VWA7: variants seen among roughly 807,000 people sequenced by gnomAD.
The protein encoded by VWA7 is von Willebrand factor A domain containing 7.
In VWA7, 66 loss-of-function variants were observed where a neutral mutation model predicts 83.1. The observed-to-expected ratio is 0.79, with a 90% CI of 0.65 to 0.98. The LOEUF is 0.98. VWA7 is among the 50% of genes least tolerant of loss of function. The probability of loss-of-function intolerance (pLI) is 0.00; values close to 1 mark genes in which losing one functional copy is unlikely to be tolerated. For synonymous variants in VWA7, 424 were observed against 488.5 expected, an observed-to-expected ratio of 0.87 and a Z score of 1.74; for missense variants, 1,080 against 1,160.2, an observed-to-expected ratio of 0.93 and a Z score of 1.00.
rs765771070 is a variant in VWA7, at chr6:31,766,391, A to G, written c.2185-7T>C. On this transcript the variant is annotated splice_region_variant and splice_polypyrimidine_tract_variant and intron_variant, in intron 14 of 16. Transcript: ENST00000375688. The surrounding 1 kb of genome is among the most constrained non-coding windows in gnomAD (Gnocchi z 4.9). ...AACCCGAGGGGCCACTAAGCTGCAG[A>G]GAAGGGTTCTTCAGGGAAGGGGCCG... 2 of 1,593,134 alleles carry G rather than the reference A, an allele frequency of 1.3e-6. No homozygotes were observed. The highest frequency in any genetic ancestry group is 1.8e-5 in the Admixed American group (1 of 55,286).
Position 31,767,604 on chromosome 6 carries a change from C to T in VWA7, c.1636+18G>A. The T allele has an allele frequency of 6.2e-7, 1 of 1,606,020 alleles. No homozygotes were observed. The highest frequency in any genetic ancestry group is 1.1e-5 in the South Asian group (1 of 90,954). On this transcript the variant is annotated intron_variant, in intron 11 of 16. Coordinates refer to ENST00000375688, the MANE Select transcript of VWA7 (RefSeq NM_025258.3). ...TCTATTCCCCGGTCCCCTCTCTTCC[C>T]TCTACCTTCAGAGGTACCTGCAGGG...
rs1422068860 is a variant in VWA7 at position 31,773,985 on chromosome 6, T to C, written c.721+531A>G. ...GCCTGGCCAACATGATGAAACCCTG[T>C]CTCTACTAAAAGTACAAAATTAGCC... On this transcript the variant is annotated intron_variant, in intron 5 of 16. Transcript: ENST00000375688. This position sits in a 1 kb window ranked among gnomAD's most constrained non-coding sequence, Gnocchi z 5.3. 6.6e-6 allele frequency among the ~76,000 whole-genome samples: 1 copy of C among 151,640 alleles called. No individual in the cohort carries two copies. The highest frequency in any genetic ancestry group is 2.4e-5 in the African/African-American group (1 of 41,230).
rs753382366 is a variant in VWA7 at position 31,770,083 on chromosome 6, G to A, written c.1118C>T (p.Pro373Leu). 7 of 1,612,958 alleles carry A rather than the reference G, an allele frequency of 4.3e-6. No individual in the cohort carries two copies. Among genetic ancestry groups the A allele is most frequent in the Middle Eastern group, 3.3e-4 (2 of 6,062 alleles). ...ATTAAGCTGTTGCCAGAAGCTGTCA[G>A]GGTCACTGGTTGTAAAGACAGGGCC... ...GFGPVFTTSD[P>L]DSFWQQLNEI... The change falls in exon 8 of 17, where the codon CCT becomes CTT. Residue 373 changes from proline to leucine, a missense_variant. By Grantham distance (98) the Pro-to-Leu change is moderately conservative. Transcript: ENST00000375688.
chr6:31,769,044 T>C lies in VWA7; in HGVS notation c.1477A>G (p.Ile493Val). 6.2e-7 allele frequency: 1 copy of C among 1,612,282 alleles called. No homozygotes were observed. The highest frequency in any genetic ancestry group is 8.5e-7 in the Non-Finnish European group (1 of 1,179,712). The change falls in exon 10 of 17, where the codon ATT (isoleucine) becomes GTT (valine). Residue 493 changes from isoleucine to valine, a missense_variant. Ile to Val is a conservative substitution (Grantham distance 29, BLOSUM62 3). Coordinates refer to ENST00000375688, the MANE Select transcript of VWA7 (RefSeq NM_025258.3). This position sits in a 1 kb window ranked among gnomAD's most constrained non-coding sequence, Gnocchi z 4.5. ...KDQHIRDVAA[I>V]VGESMAALVT... ...AGGGCAGCCATGCTCTCCCCAACAA[T>C]GGCTGCCACGTCTCGAATGTGCTGG...
chr6:31,767,848 T>C (rs1310662916), intron 10 of VWA7, 94 bp from the exon 11 acceptor site: 5 of 1,451,642 alleles, frequency 3.4e-6, no homozygotes, highest in African/African-American at 1.4e-5. Flanking sequence ...AACCACGTCA[T>C]TGGGCCGGGC....
In VWA7 at chr6:31,766,615, G is replaced by A. The variant is rs757089769; in HGVS notation, c.2032C>T (p.Pro678Ser). Residue 678 changes from proline to serine, a missense_variant, in exon 14 of 17, where the codon CCG becomes TCG. Coordinates refer to ENST00000375688, the MANE Select transcript of VWA7 (RefSeq NM_025258.3). The surrounding 1 kb of genome is among the most constrained non-coding windows in gnomAD (Gnocchi z 4.9). ...GAGGCTGCGAGGAGACCTCGCTCCG[G>A]AGGTCCCACGGGCTCCAAGGGCACC... Reference protein sequence around the residue: ...GQVPLEPVGPPERGLLAASLS... With the variant: ...GQVPLEPVGPSERGLLAASLS... 6.2e-7 allele frequency: 1 copy of A among 1,613,046 alleles called. No individual in the cohort carries two copies. Among genetic ancestry groups the A allele is most frequent in the East Asian group, 2.2e-5 (1 of 44,888 alleles).
In VWA7 at chr6:31,768,852, AAAG is replaced by A. The variant is rs368059185; in HGVS notation, c.1503+163_1503+165del. On this transcript the variant is annotated intron_variant, in intron 10 of 16. Transcript: ENST00000375688. ...ATAAGACTCCATCTCAAAAAAAAAAAAAGAAGTGGCTAGTCATGGATCTAAGAG... is the reference window on the plus strand; with the variant it reads ...ATAAGACTCCATCTCAAAAAAAAAAAAAGTGGCTAGTCATGGATCTAAGAG... 1.5e-3 allele frequency among the ~76,000 whole-genome samples: 227 copies of A among 152,270 alleles called. 3 individuals carry two copies. The Middle Eastern group carries it at 0.017, about 11-fold the overall frequency.
At position 31,766,126 on chromosome 6, in the gene VWA7, G is replaced by A; in HGVS notation, c.2325-69C>T. 6.3e-7 allele frequency: 1 copy of A among 1,597,878 alleles called. No homozygotes were observed. Among genetic ancestry groups the A allele is most frequent in the Non-Finnish European group, 8.5e-7 (1 of 1,170,806 alleles). The stretch of plus-strand genomic sequence containing the variant: ...GAGCCTAGAGTCGGGACGCCTGCAG[G>A]GGCACGGGAGCGGAGAGGAGGATTC... On this transcript the variant is annotated intron_variant, in intron 15 of 16. Coordinates refer to ENST00000375688, the MANE Select transcript of VWA7 (RefSeq NM_025258.3). This position sits in a 1 kb window ranked among gnomAD's most constrained non-coding sequence, Gnocchi z 4.9.
At chr6:31,768,158 A>G (rs1307493331) in intron 10 of VWA7, among the ~76,000 whole-genome samples, 1 of 148,288 alleles carries the variant, frequency 6.7e-6, no homozygotes, top group Admixed American at 6.7e-5. Context: ...AAAAAAAAAA[A>G]AAAAGAAAGA....
Position 31,773,165 on chromosome 6 carries a change from T to A in VWA7, c.918-42A>T, listed in dbSNP as rs1341804402. The A allele has an allele frequency of 5.0e-6, 8 of 1,598,062 alleles. No homozygotes were observed. Among genetic ancestry groups the A allele is most frequent in the Non-Finnish European group, 6.8e-6 (8 of 1,172,972 alleles). On this transcript the variant is annotated intron_variant, in intron 6 of 16. Transcript: ENST00000375688. This position sits in a 1 kb window ranked among gnomAD's most constrained non-coding sequence, Gnocchi z 5.3. Reference sequence around the variant, plus strand: ...AGACACAGTGAAGGGCCTGCACGTTTGTCCCCAGCGCCTGGTTTCTCCCTT... The same window carrying A: ...AGACACAGTGAAGGGCCTGCACGTTAGTCCCCAGCGCCTGGTTTCTCCCTT...
In VWA7 at chr6:31,775,313, CA is replaced by C; in HGVS notation, c.610+19del. 1 of 1,602,534 alleles carries C rather than the reference CA, an allele frequency of 6.2e-7. No homozygotes were observed. Among genetic ancestry groups the C allele is most frequent in the Non-Finnish European group, 8.5e-7 (1 of 1,174,024 alleles). On this transcript the variant is annotated intron_variant, in intron 4 of 16. Transcript: ENST00000375688. This position sits in a 1 kb window ranked among gnomAD's most constrained non-coding sequence, Gnocchi z 5.9. ...GTGGCCCTGTGGACTCCTGCCTCAC[CA>C]CCAGGGTCACAGCCATACCTTGTGC...
chr6:31,766,514 G>C lies in VWA7; in HGVS notation c.2133C>G (p.Arg711=). The change falls in exon 14 of 17, where the codon CGC becomes CGG. Residue 711 remains arginine (R), a synonymous_variant. Coordinates refer to ENST00000375688, the MANE Select transcript of VWA7 (RefSeq NM_025258.3). This position sits in a 1 kb window ranked among gnomAD's most constrained non-coding sequence, Gnocchi z 4.9. The part of the protein sequence containing the change: ...ELIGQDAAGR[R]LHRAAPQPST... ...TAGGCTGAGGGGCAGCCCTGTGCAG[G>C]CGCCGCCCCGCTGCGTCCTGGCCAA... is the stretch of plus-strand genomic sequence containing the variant. The C allele has an allele frequency of 6.2e-7, 1 of 1,607,648 alleles. No individual in the cohort carries two copies. Among genetic ancestry groups the C allele is most frequent in the African/African-American group, 1.3e-5 (1 of 74,948 alleles).
chr6:31,767,843 C>G, intron 10 of VWA7, 89 bp from the exon 11 acceptor site: 1 of 1,470,588 alleles, frequency 6.8e-7, no homozygotes, highest in Non-Finnish European at 9.1e-7. Context: ...AAAGAAACCA[C>G]GTCATTGGGC....
In VWA7 at chr6:31,769,620, G is replaced by C; in HGVS notation, c.1317+55C>G. 3 of 1,488,220 alleles carry C rather than the reference G, an allele frequency of 2.0e-6. No individual in the cohort carries two copies. The highest frequency in any genetic ancestry group is 2.8e-6 in the Non-Finnish European group (3 of 1,068,276). The allele number at this position is 1,488,220 out of a possible 1,614,324, so 92.2% of individuals were successfully genotyped here. A position where few individuals can be genotyped will look rare whatever the true frequency, so the allele number is the denominator to read the frequency against. ...CCCTCGTTATGAGATTGTCATCACA[G>C]GGTCTCTCACATCCCTGGGAGGCTA... On this transcript the variant is annotated intron_variant, in intron 9 of 16. Coordinates refer to ENST00000375688, the MANE Select transcript of VWA7 (RefSeq NM_025258.3). This position sits in a 1 kb window ranked among gnomAD's most constrained non-coding sequence, Gnocchi z 4.5.
chr6:31,765,940 G>A lies in VWA7; in HGVS notation c.2442C>T (p.Asn814=), dbSNP rs1292548716. The part of the protein sequence containing the change: ...VTVTAGGREA[N]PVPPTHAFLR... ...GGAAAGCATGAGTCGGGGGTACTGG[G>A]TTGGCTTCTCGTCCCCCTGCAGTCA... is the stretch of plus-strand genomic sequence containing the variant. Residue 814 remains asparagine, a synonymous_variant, in exon 16 of 17, where the codon AAC becomes AAT. Coordinates refer to ENST00000375688, the MANE Select transcript of VWA7 (RefSeq NM_025258.3). 4 of 1,613,126 alleles carry A rather than the reference G, an allele frequency of 2.5e-6. No homozygotes were observed. The highest frequency in any genetic ancestry group is 1.7e-5 in the Admixed American group (1 of 60,028).
At position 31,775,287 on chromosome 6, in the gene VWA7, G is replaced by A. The variant is rs774383651; in HGVS notation, c.610+46C>T. 9 of 1,516,754 alleles carry A rather than the reference G, an allele frequency of 5.9e-6. No individual in the cohort carries two copies. Among genetic ancestry groups the A allele is most frequent in the Non-Finnish European group, 8.1e-6 (9 of 1,107,098 alleles). The allele number at this position is 1,516,754 out of a possible 1,614,324, so 94.0% of individuals were successfully genotyped here. A position where few individuals can be genotyped will look rare whatever the true frequency, so the allele number is the denominator to read the frequency against. On this transcript the variant is annotated intron_variant, in intron 4 of 16. Coordinates refer to ENST00000375688, the MANE Select transcript of VWA7 (RefSeq NM_025258.3). The surrounding 1 kb of genome is among the most constrained non-coding windows in gnomAD (Gnocchi z 5.9). ...GTGACACAGTGGCTGGGTGGACTGA[G>A]GTGGCCCTGTGGACTCCTGCCTCAC...
rs1811973911 is a variant in VWA7, at chr6:31,769,643, C to A, written c.1317+32G>T. On this transcript the variant is annotated intron_variant, in intron 9 of 16. Transcript: ENST00000375688. This position sits in a 1 kb window ranked among gnomAD's most constrained non-coding sequence, Gnocchi z 4.5. The stretch of plus-strand genomic sequence containing the variant: ...CAGGGTCTCTCACATCCCTGGGAGG[C>A]TAACACTGGGTCTCCCACTAGCTCT... 57 of 1,580,654 alleles carry A rather than the reference C, an allele frequency of 3.6e-5. No individual in the cohort carries two copies. Among genetic ancestry groups the A allele is most frequent in the Non-Finnish European group, 4.9e-5 (56 of 1,151,028 alleles).
chr6:31,773,322 C>G lies in VWA7; in HGVS notation c.837G>C (p.Gln279His), dbSNP rs759813613. Residue 279 changes from glutamine (Q) to histidine (H), a missense_variant, in exon 6 of 17, where the codon CAG becomes CAC. Transcript: ENST00000375688. The surrounding 1 kb of genome is among the most constrained non-coding windows in gnomAD (Gnocchi z 5.3). ...GFSPHHMLHL[Q>H]AAKLALLASI... is the part of the protein sequence containing the mutation. ...AGGCTAGAAGGGCCAGTTTTGCAGC[C>G]TGGAGGTGCAGCATGTGGTGAGGGG... 1 of 1,608,982 alleles carries G rather than the reference C, an allele frequency of 6.2e-7. No homozygotes were observed. The highest frequency in any genetic ancestry group is 2.2e-5 in the East Asian group (1 of 44,812).
In VWA7 at chr6:31,775,052, G is replaced by A. The variant is rs1443228502; in HGVS notation, c.610+281C>T. 1.3e-5 allele frequency among the ~76,000 whole-genome samples: 2 copies of A among 152,308 alleles called. No individual in the cohort carries two copies. The highest frequency in any genetic ancestry group is 3.9e-4 in the East Asian group (2 of 5,188). On this transcript the variant is annotated intron_variant, in intron 4 of 16. Coordinates refer to ENST00000375688, the MANE Select transcript of VWA7 (RefSeq NM_025258.3). This position sits in a 1 kb window ranked among gnomAD's most constrained non-coding sequence, Gnocchi z 5.9. ...CAGGAGGCAGCTTCCAGGTGAGAGG[G>A]TGAGGGGGCTGTGAGAGAAGGCCCC...
Sources: allele counts gnomAD v4.1 joint callset (sites outside exome capture counted in the v4.1 genomes callset), GRCh38; gene constraint gnomAD v4.1.1; non-coding constraint Gnocchi (gnomAD v3.1); transcripts MANE v1.5; gene names NCBI Gene and HGNC (gene_info 2026-07-23, HGNC 2026-07-21).